SLC24A2: variants seen among roughly 807,000 people sequenced by gnomAD.
SLC24A2 encodes sodium/potassium/calcium exchanger 2.
In SLC24A2, 36 loss-of-function variants were observed where a neutral mutation model predicts 62.0. The ratio of observed to expected loss-of-function variants is 0.58; its 90% CI spans 0.44 to 0.77. The LOEUF (loss-of-function observed/expected upper bound fraction) is 0.77. SLC24A2 is among the 30% of genes least tolerant of loss of function. SLC24A2 has a pLI of 0.00. For synonymous variants in SLC24A2, 358 were observed against 294.0 expected (o/e 1.22, Z -2.23); for missense variants, 846 against 817.9 (o/e 1.03, Z -0.42).
chr9:20,227,382 C>T, the SLC24A2 span, among the ~76,000 whole-genome samples: 2 of 152,076 alleles, frequency 1.3e-5, no homozygotes, highest in African/African-American at 4.8e-5. Context: ...CTTGCATCAT[C>T]TTTGTGGTGT....
At chr9:19,554,061 G>A (rs540316795) in intron 7 of SLC24A2, among the ~76,000 whole-genome samples, 1 of 152,126 alleles carries the variant, frequency 6.6e-6, no homozygotes, top group African/African-American at 2.4e-5. Flanking sequence ...TTAAAACAAG[G>A]CCACTAGTGT....
At chr9:19,521,118 T>C (rs2132636975) in intron 9 of SLC24A2, 58 bp from the exon 10 acceptor site, 1 of 1,555,050 alleles carries the variant, frequency 6.4e-7, no homozygotes, top group Non-Finnish European at 8.9e-7. Flanking sequence ...ATCATAAAAA[T>C]CACAAAAATT....
At chr9:19,834,765 C>T in the SLC24A2 span, among the ~76,000 whole-genome samples, 2 of 152,134 alleles carry the variant, frequency 1.3e-5, no homozygotes, top group Non-Finnish European at 2.9e-5. Flanking sequence ...CTCCAAGACA[C>T]ATAATCGTCA....
the SLC24A2 span, among the ~76,000 whole-genome samples, chr9:20,081,080 G>T: frequency 6.6e-6 from 1 of 152,164 alleles, no homozygotes; most frequent in Non-Finnish European, 1.5e-5. Context: ...CGATTCCTCA[G>T]GGATCTAGAA....
At chr9:19,821,877 C>T in the SLC24A2 span, among the ~76,000 whole-genome samples, 2 of 151,906 alleles carry the variant, frequency 1.3e-5, no homozygotes, top group East Asian at 3.9e-4. Flanking sequence ...ACATGTATAC[C>T]TACATATTCT....
the SLC24A2 span, among the ~76,000 whole-genome samples, chr9:20,084,564 T>C: frequency 2.1e-5 from 3 of 140,730 alleles, no homozygotes; most frequent in Admixed American, 7.1e-5. Flanking sequence ...ATTCACCATA[T>C]CCCACCACCT....
intron 2 of SLC24A2, among the ~76,000 whole-genome samples, chr9:19,655,369 G>A (rs1818916038): frequency 6.6e-6 from 1 of 152,320 alleles, no homozygotes; most frequent in East Asian, 1.9e-4. Context: ...TTCTAAAGAC[G>A]TAGACGTTGA....
chr9:20,075,320 T>A, the SLC24A2 span, among the ~76,000 whole-genome samples: 1 of 152,200 alleles, frequency 6.6e-6, no homozygotes, highest in Non-Finnish European at 1.5e-5. Context: ...TACCTCCATT[T>A]TACAGATGAG....
chr9:19,837,442 G>C, the SLC24A2 span, among the ~76,000 whole-genome samples: 1 of 108,304 alleles, frequency 9.2e-6, no homozygotes, highest in Non-Finnish European at 1.7e-5. Flanking sequence ...CTGGGCGACA[G>C]AGCGAGACTC....
At chr9:19,922,009 G>A in the SLC24A2 span, among the ~76,000 whole-genome samples, 1,511 of 152,170 alleles carry the variant, frequency 9.9e-3, 30 homozygotes, top group African/African-American at 0.035. Context: ...GGGTTTTTGT[G>A]GTCTTAAAAT....
At chr9:19,788,238 C>T (rs1229810002) in intron 1 of SLC24A2, among the ~76,000 whole-genome samples, 4 of 152,224 alleles carry the variant, frequency 2.6e-5, no homozygotes, top group African/African-American at 9.6e-5. Context: ...ACGGAGATTC[C>T]CAGGTGGCTG....
the SLC24A2 span, among the ~76,000 whole-genome samples, chr9:20,004,976 C>T: frequency 1.3e-5 from 2 of 152,090 alleles, no homozygotes; most frequent in Admixed American, 6.6e-5. Context: ...GAGATTTTCT[C>T]TTTATTGCTC....
At position 19,622,241 on chromosome 9, in the gene SLC24A2, A is replaced by G; in HGVS notation, c.969+20T>C. 6.2e-7 allele frequency: 1 copy of G among 1,611,916 alleles called. No homozygotes were observed. Among genetic ancestry groups the G allele is most frequent in the Non-Finnish European group, 8.5e-7 (1 of 1,178,200 alleles). On this transcript the variant is annotated intron_variant, in intron 3 of 10. Coordinates refer to ENST00000341998, the MANE Select transcript of SLC24A2 (RefSeq NM_020344.4). ...TCCACAGGCACACAAACAGGTACAG[A>G]CAAAGCCACTGCTTCCTACCGGTAG...
At chr9:19,821,212 T>A in the SLC24A2 span, among the ~76,000 whole-genome samples, 1 of 152,062 alleles carries the variant, frequency 6.6e-6, no homozygotes, top group Non-Finnish European at 1.5e-5. Flanking sequence ...GAGAAAAAGC[T>A]GGTGCTAAAT....
At chr9:19,978,589 G>A in the SLC24A2 span, among the ~76,000 whole-genome samples, 4 of 151,786 alleles carry the variant, frequency 2.6e-5, no homozygotes, top group Non-Finnish European at 4.4e-5. Context: ...AAAGAAAAGG[G>A]TATTTTTTTT....
chr9:19,873,733 G>A, the SLC24A2 span, among the ~76,000 whole-genome samples: 11 of 152,194 alleles, frequency 7.2e-5, no homozygotes, highest in African/African-American at 2.4e-4. Context: ...GTTTTATCAT[G>A]AGAATTTGGA....
chr9:19,774,112 G>C (rs1414906196), intron 2 of SLC24A2, among the ~76,000 whole-genome samples: 1 of 152,144 alleles, frequency 6.6e-6, no homozygotes, highest in African/African-American at 2.4e-5. Context: ...TGCAGGGAAA[G>C]ATAGGACTGA....
chr9:20,114,640 T>C, the SLC24A2 span, among the ~76,000 whole-genome samples: 108 of 152,270 alleles, frequency 7.1e-4, 3 homozygotes, highest in South Asian at 0.011. Flanking sequence ...AATTCATTTA[T>C]TCATTCATTC....
the SLC24A2 span, among the ~76,000 whole-genome samples, chr9:20,089,429 G>A: frequency 6.6e-6 from 1 of 152,060 alleles, no homozygotes; most frequent in African/African-American, 2.4e-5. Context: ...CACTGCAATT[G>A]CAGTGCTACT....
Sources: allele counts gnomAD v4.1 joint callset (sites outside exome capture counted in the v4.1 genomes callset), GRCh38; gene constraint gnomAD v4.1.1; transcripts MANE v1.5; gene names NCBI Gene and HGNC (gene_info 2026-07-23, HGNC 2026-07-21).